The following UBE3A variants were observed in gnomAD, a reference collection of about 807,000 sequenced individuals.
UBE3A encodes ubiquitin protein ligase E3A.
A neutral mutation model predicts 83.4 loss-of-function variants in UBE3A; 6 were observed. That is an observed-to-expected ratio of 0.07 (90% CI 0.04 to 0.14). The LOEUF is 0.14. Among genes scored for constraint, UBE3A ranks in the 10% least tolerant of loss-of-function variants. The probability of loss-of-function intolerance (pLI) is 1.00; values close to 1 mark genes in which losing one functional copy is unlikely to be tolerated. For missense variants in UBE3A, 456 were observed against 1,036.1 expected, an observed-to-expected ratio of 0.44 and a Z score of 7.69; for synonymous variants, 337 against 355.4, an observed-to-expected ratio of 0.95 and a Z score of 0.58.
intron 4 of UBE3A, 132 bp from the exon 5 acceptor site, chr15:25,375,895 A>T: frequency 1.1e-6 from 1 of 951,110 alleles, no homozygotes; most frequent in Non-Finnish European, 1.6e-6. Context: ...AGAAGTAGAA[A>T]ATGGAGATGC....
intron 1 of UBE3A, among the ~76,000 whole-genome samples, chr15:25,424,174 TTCTC>T (rs766096277): frequency 2.2e-4 from 34 of 152,082 alleles, no homozygotes; most frequent in African/African-American, 4.1e-4. Context: ...GTACCCTCCA[TTCTC>T]TCTATTTCCC....
chr15:25,345,755 A>T (rs969845933), intron 11 of UBE3A: 5 of 152,208 alleles, frequency 3.3e-5, no homozygotes, highest in Non-Finnish European at 5.9e-5. Flanking sequence ...AAAAGAATTT[A>T]AAAAATAACA....
chr15:25,405,676 C>T (rs2088353459), intron 3 of UBE3A, 174 bp from the exon 4 acceptor site: 1 of 665,844 alleles, frequency 1.5e-6, no homozygotes, highest in African/African-American at 1.8e-5. Context: ...GGCCATACAA[C>T]ACATTTATTT....
chr15:25,405,441 C>T lies in UBE3A; in HGVS notation c.62+20G>A, dbSNP rs587782906. ...GGCAACTCAAAATAAGAACCACAGTCTCAACCAAGTTACACTTACATTCGG... is the reference window on the plus strand; with the variant it reads ...GGCAACTCAAAATAAGAACCACAGTTTCAACCAAGTTACACTTACATTCGG... On this transcript the variant is annotated intron_variant, in intron 4 of 12. Coordinates refer to ENST00000648336, the MANE Select transcript of UBE3A (RefSeq NM_130839.5). 2 of 1,613,750 alleles carry T rather than the reference C, an allele frequency of 1.2e-6. No individual in the cohort carries two copies. The highest frequency in any genetic ancestry group is 1.7e-6 in the Non-Finnish European group (2 of 1,179,736).
intron 4 of UBE3A, among the ~76,000 whole-genome samples, chr15:25,381,001 A>C (rs1037230270): frequency 6.6e-6 from 1 of 152,226 alleles, no homozygotes; most frequent in Non-Finnish European, 1.5e-5. Flanking sequence ...ATCAGAGTTT[A>C]CTCTAGACAA....
intron 4 of UBE3A, among the ~76,000 whole-genome samples, chr15:25,378,484 T>C (rs977727026): frequency 4.6e-5 from 7 of 152,248 alleles, no homozygotes; most frequent in Non-Finnish European, 7.4e-5. Context: ...TGATAACTTA[T>C]TACACACACT....
intron 1 of UBE3A, among the ~76,000 whole-genome samples, chr15:25,416,642 T>TAAA (rs34305718): frequency 9.1e-6 from 1 of 109,292 alleles, no homozygotes. Flanking sequence ...TAAAACATTC[T>TAAA]AAAAAAAAAA....
chr15:25,416,862 G>T (rs1887131398), intron 1 of UBE3A, among the ~76,000 whole-genome samples: 1 of 152,106 alleles, frequency 6.6e-6, no homozygotes. Context: ...TTGGATGTCT[G>T]CCTGGAGGTA....
intron 1 of UBE3A, among the ~76,000 whole-genome samples, chr15:25,434,841 C>T (rs1017549857): frequency 4.6e-5 from 7 of 152,100 alleles, no homozygotes; most frequent in Non-Finnish European, 1.0e-4. Flanking sequence ...AGCAGCTGAC[C>T]TCATAGACAA....
chr15:25,384,911 G>T (rs1202517934), intron 4 of UBE3A, among the ~76,000 whole-genome samples: 1 of 152,268 alleles, frequency 6.6e-6, no homozygotes, highest in East Asian at 1.9e-4. Flanking sequence ...ACATGCAAAA[G>T]AATGAAGTTG....
At position 25,409,202 on chromosome 15, in the gene UBE3A, A is replaced by G; in HGVS notation, c.-95T>C. On this transcript the variant is annotated 5_prime_UTR_variant, in exon 3 of 13. Transcript: ENST00000648336. ...CTACCTTGATCTGAGCGTAGGCTTA[A>G]TAACTCTAATAAATTAAACAAACCT... 4.3e-6 allele frequency: 5 copies of G among 1,168,254 alleles called. No individual in the cohort carries two copies. Among genetic ancestry groups the G allele is most frequent in the East Asian group, 5.0e-5 (2 of 39,920 alleles). 72.4% of individuals were successfully genotyped at this position (1,168,254 alleles called of 1,614,324 possible).
chr15:25,369,028 T>C (rs1297537687), intron 6 of UBE3A, among the ~76,000 whole-genome samples: 1 of 152,122 alleles, frequency 6.6e-6, no homozygotes, highest in Non-Finnish European at 1.5e-5. Flanking sequence ...GCTTTGGCAT[T>C]TGCAGTTCTG....
Position 25,370,150 on chromosome 15 carries a change from T to A in UBE3A, c.1608+416A>T, listed in dbSNP as rs1259559094. Among the ~76,000 whole-genome samples, 2 of 152,162 alleles carry A rather than the reference T, an allele frequency of 1.3e-5. No individual in the cohort carries two copies. The highest frequency in any genetic ancestry group is 2.9e-5 in the Non-Finnish European group (2 of 68,032). ...AACTCTGAATTTTACACGATGGAAT[T>A]TTTTGGACACTACCTATAATTTTAT... On this transcript the variant is annotated intron_variant, in intron 6 of 12. Transcript: ENST00000648336. This position sits in a 1 kb window ranked among gnomAD's most constrained non-coding sequence, Gnocchi z 4.2.
chr15:25,398,771 T>TTATATATATA (rs1159969391), intron 4 of UBE3A, among the ~76,000 whole-genome samples: 130 of 68,826 alleles, frequency 1.9e-3, no homozygotes, highest in African/African-American at 4.8e-3. Context: ...ATTCTTTTAT[T>TTATATATATA]TATATATATA....
At chr15:25,344,587 T>G (rs2152551990) in intron 11 of UBE3A, among the ~76,000 whole-genome samples, 1 of 152,234 alleles carries the variant, frequency 6.6e-6, no homozygotes, top group African/African-American at 2.4e-5. Flanking sequence ...TGAAACGTAT[T>G]AAATACAAAA....
rs767389707 is a variant in UBE3A, at chr15:25,333,891, CCCT to C, written c.*5243_*5245del. The stretch of plus-strand genomic sequence containing the variant: ...AGAAGCATTTAACAAAACCCACAGC[CCCT>C]CCTTTTTTTTTTTTTGATTAAAAAA... On this transcript the variant is annotated 3_prime_UTR_variant, in exon 13 of 13. Coordinates refer to ENST00000648336, the MANE Select transcript of UBE3A (RefSeq NM_130839.5). 3.5e-4 allele frequency: 45 copies of C among 127,730 alleles called. No individual in the cohort carries two copies. The highest frequency in any genetic ancestry group is 4.8e-4 in the Non-Finnish European group (31 of 64,230). The allele number at this position is 127,730 out of a possible 1,614,324, so 7.9% of individuals were successfully genotyped here. A position where few individuals can be genotyped will look rare whatever the true frequency, so the allele number is the denominator to read the frequency against.
intron 2 of UBE3A, among the ~76,000 whole-genome samples, chr15:25,410,491 A>G (rs761751136): frequency 2.0e-5 from 3 of 152,238 alleles, no homozygotes; most frequent in African/African-American, 4.8e-5. Flanking sequence ...CAACTACGGA[A>G]AGATGAGGAA....
intron 1 of UBE3A, among the ~76,000 whole-genome samples, chr15:25,421,653 T>C (rs1719236661): frequency 6.6e-6 from 1 of 152,160 alleles, no homozygotes; most frequent in Non-Finnish European, 1.5e-5. Flanking sequence ...GGCTGCAGAA[T>C]AATGTGAATG....
intron 1 of UBE3A, among the ~76,000 whole-genome samples, chr15:25,427,631 A>AC (rs1555431887): frequency 9.5e-5 from 11 of 115,346 alleles, no homozygotes; most frequent in African/African-American, 2.9e-4. Flanking sequence ...AAAAAAAAAA[A>AC]CCCACAAAAC....
Sources: allele counts gnomAD v4.1 joint callset (sites outside exome capture counted in the v4.1 genomes callset), GRCh38; gene constraint gnomAD v4.1.1; non-coding constraint Gnocchi (gnomAD v3.1); transcripts MANE v1.5; gene names NCBI Gene and HGNC (gene_info 2026-07-23, HGNC 2026-07-21).